RIF1: variants seen among roughly 807,000 people sequenced by gnomAD.
RIF1 encodes replication timing regulatory factor 1.
In RIF1, 45 loss-of-function variants were observed where a neutral mutation model predicts 247.1. The ratio of observed to expected loss-of-function variants is 0.18; its 90% CI spans 0.14 to 0.23. The LOEUF (loss-of-function observed/expected upper bound fraction) is 0.23. Among genes scored for constraint, RIF1 ranks in the 10% least tolerant of loss-of-function variants. The pLI, the probability that RIF1 is intolerant of heterozygous loss-of-function variation, is 1.00. For missense variants in RIF1, 2,967 were observed against 2,862.5 expected (o/e 1.04, Z -0.83); for synonymous variants, 1,087 against 978.8 (o/e 1.11, Z -2.06).
intron 25 of RIF1, among the ~76,000 whole-genome samples, 188 bp from the exon 26 acceptor site, chr2:151,459,812 A>T (rs551358723): frequency 3.9e-5 from 6 of 152,226 alleles, no homozygotes; most frequent in African/African-American, 1.4e-4. Flanking sequence ...TATTAAAGAG[A>T]CACCAAAGCC....
chr2:151,503,153 A>G, exon 12 of RIF1: 1 of 595,982 alleles, frequency 1.7e-6, no homozygotes, highest in Non-Finnish European at 2.9e-6. Flanking sequence ...AATCTAGTCA[A>G]GTCACTGAAA....
rs190990358 is a variant in RIF1 at position 151,503,051 on chromosome 2, A to C, written c.*727A>C. The C allele has an allele frequency of 1.9e-4, 110 of 593,670 alleles. 2 individuals carry two copies. In the African/African-American group the frequency reaches 1.9e-3, roughly 10 times the overall value. The allele number at this position is 593,670 out of a possible 1,614,324, so 36.8% of individuals were successfully genotyped here. ...TTTCACAGTTTTAATGATGAACTCT[A>C]CAATGCTAATTCTGGAAATGAAAAA... On this transcript the variant is annotated 3_prime_UTR_variant and NMD_transcript_variant, in exon 12 of 14. Coordinates refer to the RIF1 transcript ENST00000454583.
intron 7 of RIF1, among the ~76,000 whole-genome samples, chr2:151,422,733 C>A (rs1035672819): frequency 2.0e-5 from 3 of 151,904 alleles, no homozygotes; most frequent in Admixed American, 6.6e-5. Context: ...CTCCTGACTT[C>A]AAGAGTGAGG....
exon 14 of RIF1, chr2:151,507,737 G>T (rs551070692): frequency 3.0e-5 from 11 of 369,604 alleles, no homozygotes; most frequent in African/African-American, 1.8e-4. Context: ...AGGGGTTTTC[G>T]CCATGAACCT....
chr2:151,438,030 A>G (rs568368323), intron 13 of RIF1, among the ~76,000 whole-genome samples: 6 of 152,332 alleles, frequency 3.9e-5, no homozygotes, highest in Admixed American at 2.0e-4. Context: ...AATTTTTTCT[A>G]TTGGTTGTTA....
chr2:151,489,302 G>A (rs1410607566), intron 9 of RIF1, among the ~76,000 whole-genome samples: 1 of 152,170 alleles, frequency 6.6e-6, no homozygotes, highest in Non-Finnish European at 1.5e-5. Context: ...AAGTAGTCTG[G>A]TGAACTGTGA....
At chr2:151,433,698 G>A (rs905022503) in intron 10 of RIF1, among the ~76,000 whole-genome samples, 5 of 151,854 alleles carry the variant, frequency 3.3e-5, no homozygotes, top group South Asian at 2.1e-4. Context: ...CAAATGATTC[G>A]CCCATGCCAG....
chr2:151,522,795 G>A, the RIF1 span, among the ~76,000 whole-genome samples: 1 of 152,186 alleles, frequency 6.6e-6, no homozygotes, highest in African/African-American at 2.4e-5. Flanking sequence ...GTCATAAGAT[G>A]CAGCGCCGTG....
the RIF1 span, chr2:151,529,108 A>G: frequency 2.4e-5 from 19 of 779,552 alleles, no homozygotes; most frequent in Middle Eastern, 4.5e-4. Context: ...TTTGGAATCA[A>G]TCACTAGAGC....
Position 151,437,729 on chromosome 2 carries a change from A to G in RIF1, c.1483+378A>G, listed in dbSNP as rs1431811408. On this transcript the variant is annotated intron_variant, in intron 13 of 35. Transcript: ENST00000444746. ...TGAAGATAAAATAACAAATATTTAT[A>G]TAGTGCCACCTACTGGCCAGATTGT... Among the ~76,000 whole-genome samples the G allele has an allele frequency of 5.9e-5, 9 of 152,210 alleles. 1 individual carries two copies. Among genetic ancestry groups the G allele is most frequent in the Non-Finnish European group, 2.9e-5 (2 of 68,036 alleles).
At chr2:151,520,695 C>T in the RIF1 span, among the ~76,000 whole-genome samples, 1 of 152,106 alleles carries the variant, frequency 6.6e-6, no homozygotes, top group East Asian at 1.9e-4. Flanking sequence ...GAAACCCCAT[C>T]TCCACTAAAA....
At chr2:151,423,451 T>A (rs1207773099) in intron 8 of RIF1, 2 of 165,626 alleles carry the variant, frequency 1.2e-5, no homozygotes, top group Non-Finnish European at 2.6e-5. Context: ...TGCTTTCTAG[T>A]TTGTGTTCCT....
chr2:151,453,105 T>G (rs957158177), intron 21 of RIF1, among the ~76,000 whole-genome samples: 15 of 152,208 alleles, frequency 9.9e-5, no homozygotes, highest in African/African-American at 3.4e-4. Context: ...TGTGGAAACT[T>G]CGTATTCCTT....
At chr2:151,490,172 CT>C in intron 9 of RIF1, 1 of 1,209,802 alleles carries the variant, frequency 8.3e-7, no homozygotes, top group Non-Finnish European at 1.2e-6. Flanking sequence ...TTTCCCCCAA[CT>C]TAGAATGATT....
chr2:151,440,516 A>G (rs778021613), intron 15 of RIF1, among the ~76,000 whole-genome samples: 3 of 152,160 alleles, frequency 2.0e-5, no homozygotes, highest in Non-Finnish European at 4.4e-5. Context: ...TGACTTTGGT[A>G]TTAAAACCCC....
intron 11 of RIF1, among the ~76,000 whole-genome samples, chr2:151,500,172 A>G (rs1301139878): frequency 2.6e-5 from 4 of 152,220 alleles, no homozygotes; most frequent in Non-Finnish European, 5.9e-5. Flanking sequence ...AAATTGAAGG[A>G]TTGTTAGTGA....
downstream of RIF1, among the ~76,000 whole-genome samples, chr2:151,512,086 A>C (rs1267424874): frequency 1.4e-4 from 19 of 132,882 alleles, no homozygotes; most frequent in Admixed American, 1.7e-3. Flanking sequence ...GCTGGAGTGC[A>C]GTGGCGTGAT....
chr2:151,483,102 AAT>A (rs1427301814), downstream of RIF1: 4 of 103,460 alleles, frequency 3.9e-5, no homozygotes, highest in Non-Finnish European at 6.9e-5. Flanking sequence ...ACTTAACATG[AAT>A]TTGGGGGTGG....
Position 151,474,887 on chromosome 2 carries a change from C to G in RIF1, c.7235C>G (p.Pro2412Arg). ...ATTGATCCTGTTGCTTTAGAAATTC[C>G]ATTATCCAAAAACCTTCTGGCACAG... Reference protein sequence around the residue: ...DIIDPVALEIPLSKNLLAQIS... With the variant: ...DIIDPVALEIRLSKNLLAQIS... Residue 2412 changes from proline (P) to arginine (R), a missense_variant, in exon 36 of 36, where the codon CCA becomes CGA. Coordinates refer to ENST00000444746, the MANE Select transcript of RIF1 (RefSeq NM_018151.5). The G allele has an allele frequency of 6.3e-7, 1 of 1,587,938 alleles. No homozygotes were observed. The highest frequency in any genetic ancestry group is 8.6e-7 in the Non-Finnish European group (1 of 1,157,290).
Sources: gnomAD v4.1 joint callset for allele counts (sites outside exome capture counted in the v4.1 genomes callset) on GRCh38, gnomAD v4.1.1 for gene constraint, MANE v1.5 for transcripts, NCBI Gene and HGNC (gene_info 2026-07-23, HGNC 2026-07-21) for gene names.